The following IQCE variants were observed in gnomAD, a reference collection of about 807,000 sequenced individuals.
The protein encoded by IQCE is IQ domain-containing protein E.
In IQCE, 115 loss-of-function variants were observed where a neutral mutation model predicts 96.0. That is an observed-to-expected ratio of 1.20 (90% confidence interval 1.03 to 1.40). IQCE has a LOEUF of 1.40. IQCE is among the 40% of genes most tolerant of loss of function. The probability of loss-of-function intolerance (pLI) is 0.00; values close to 1 mark genes in which losing one functional copy is unlikely to be tolerated. For synonymous variants in IQCE, 412 were observed against 371.2 expected, an observed-to-expected ratio of 1.11 and a Z score of -1.26; for missense variants, 1,041 against 909.1, an observed-to-expected ratio of 1.15 and a Z score of -1.87.
chr7:2,582,759 C>A, intron 9 of IQCE, 109 bp downstream of exon 9: 1 of 909,994 alleles, frequency 1.1e-6, no homozygotes, highest in Non-Finnish European at 1.7e-6. Context: ...ACTCCCAGCC[C>A]AAAGCCGAAG....
At chr7:2,583,544 C>A (rs1454711484) in intron 9 of IQCE, 93 bp from the exon 10 acceptor site, 5 of 907,964 alleles carry the variant, frequency 5.5e-6, no homozygotes, top group Non-Finnish European at 8.2e-6. Flanking sequence ...TCCAAAGCCT[C>A]TCCTCTTCTG....
At position 2,573,482 on chromosome 7, in the gene IQCE, A is replaced by T; in HGVS notation, c.459A>T (p.Leu153Phe). ...KEDMYDEIIE[L>F]KKSLHVQKSD... ...ATATGTATGACGAGATTATTGAGTT[A>T]AAGAAGGTAGTATTTCGGTTTGTTC... is the stretch of plus-strand genomic sequence containing the variant. The change falls in exon 6 of 22, where the codon TTA becomes TTT. Residue 153 changes from leucine (L) to phenylalanine (F), a missense_variant. Transcript: ENST00000402050. 6.6e-7 allele frequency: 1 copy of T among 1,523,362 alleles called. No individual in the cohort carries two copies. The highest frequency in any genetic ancestry group is 9.1e-7 in the Non-Finnish European group (1 of 1,098,106). The allele number at this position is 1,523,362 out of a possible 1,614,324, so 94.4% of individuals were successfully genotyped here. A position where few individuals can be genotyped will look rare whatever the true frequency, so the allele number is the denominator to read the frequency against.
At chr7:2,606,789 G>A (rs115234744) in intron 20 of IQCE, among the ~76,000 whole-genome samples, 2,924 of 152,270 alleles carry the variant, frequency 0.019, 105 homozygotes, top group African/African-American at 0.066. Flanking sequence ...CATGCAGCCT[G>A]CAAGCATGTC....
At chr7:2,572,349 G>A (rs745628034) in intron 5 of IQCE, 23 bp downstream of exon 5, 45 of 1,611,278 alleles carry the variant, frequency 2.8e-5, no homozygotes, top group African/African-American at 4.0e-5. Flanking sequence ...ATGGTGGCGA[G>A]GCTGAGGCCA....
chr7:2,602,019 C>T (rs1784468160), intron 18 of IQCE: 1 of 158,016 alleles, frequency 6.3e-6, no homozygotes, highest in African/African-American at 2.4e-5. Context: ...ATCACCAGCC[C>T]TGCGTGGGGC....
At chr7:2,577,525 C>T (rs575929314) in intron 6 of IQCE, among the ~76,000 whole-genome samples, 6 of 135,594 alleles carry the variant, frequency 4.4e-5, no homozygotes, top group Admixed American at 7.3e-5. Context: ...GACGTGTGTG[C>T]GGCGTGCCCG....
intron 15 of IQCE, 131 bp from the exon 16 acceptor site, chr7:2,594,755 C>T (rs1047081689): frequency 1.3e-5 from 9 of 705,166 alleles, no homozygotes; most frequent in Non-Finnish European, 2.3e-5. Flanking sequence ...GAGACATGGC[C>T]CCACCAGCTC....
At chr7:2,589,259 T>G (rs1400087037) in intron 13 of IQCE, among the ~76,000 whole-genome samples, 1 of 151,956 alleles carries the variant, frequency 6.6e-6, no homozygotes. Flanking sequence ...TCCCAGCTAC[T>G]TGGGAGGCTG....
In IQCE at chr7:2,611,574, A is replaced by C. The variant is rs1432940224; in HGVS notation, c.*1412A>C. The C allele has an allele frequency of 6.6e-6, 1 of 152,204 alleles. No homozygotes were observed. Among genetic ancestry groups the C allele is most frequent in the African/African-American group, 2.4e-5 (1 of 41,428 alleles). The allele number at this position is 152,204 out of a possible 1,614,324, so 9.4% of individuals were successfully genotyped here. On this transcript the variant is annotated 3_prime_UTR_variant, in exon 22 of 22. Coordinates refer to ENST00000402050, the MANE Select transcript of IQCE (RefSeq NM_152558.5). Reference sequence around the variant, plus strand: ...GTCAGAAGGCCGATGGCCCCAACACAGTGGCTTGTGAAAGGGAGAGAGGAG... The same window carrying C: ...GTCAGAAGGCCGATGGCCCCAACACCGTGGCTTGTGAAAGGGAGAGAGGAG...
rs532547459 is a variant in IQCE, at chr7:2,594,880, C to T, written c.1350-6C>T. On this transcript the variant is annotated splice_region_variant and splice_polypyrimidine_tract_variant and intron_variant, in intron 15 of 21. Transcript: ENST00000402050. ...AGGTGTCTCATCTTTTCCCTTTCCG[C>T]CTTAGAGAGGAGATTCAGACACTTA... The T allele has an allele frequency of 5.6e-5, 90 of 1,606,274 alleles. No homozygotes were observed. The South Asian group carries it at 9.2e-4, about 16-fold the overall frequency.
chr7:2,606,538 C>A (rs956361514), intron 20 of IQCE, among the ~76,000 whole-genome samples: 2 of 152,134 alleles, frequency 1.3e-5, no homozygotes, highest in Non-Finnish European at 2.9e-5. Flanking sequence ...GGCCCCGCTC[C>A]GTCACCCCCG....
intron 3 of IQCE, among the ~76,000 whole-genome samples, chr7:2,569,392 G>A (rs1049241574): frequency 1.3e-5 from 2 of 152,198 alleles, no homozygotes; most frequent in Non-Finnish European, 2.9e-5. Context: ...GAGAGTCGAA[G>A]TTACTGAGAA....
chr7:2,578,899 A>G (rs905918206), intron 8 of IQCE, among the ~76,000 whole-genome samples: 13 of 152,168 alleles, frequency 8.5e-5, no homozygotes, highest in Non-Finnish European at 1.3e-4. Context: ...TGTCTCTACT[A>G]AAAATACAAA....
At chr7:2,579,034 G>T (rs926130874) in intron 8 of IQCE, among the ~76,000 whole-genome samples, 20 of 150,882 alleles carry the variant, frequency 1.3e-4, no homozygotes, top group Non-Finnish European at 2.5e-4. Context: ...ACTCCAGCCT[G>T]GGTGACCAAA....
At chr7:2,593,475 C>T (rs559473835) in intron 15 of IQCE, among the ~76,000 whole-genome samples, 8 of 152,260 alleles carry the variant, frequency 5.3e-5, no homozygotes, top group Admixed American at 2.0e-4. Flanking sequence ...TAATGCCATT[C>T]GCGAGAGCCA....
At position 2,586,352 on chromosome 7, in the gene IQCE, A is replaced by G; in HGVS notation, c.969A>G (p.Pro323=). 6.2e-7 allele frequency: 1 copy of G among 1,612,924 alleles called. No homozygotes were observed. The highest frequency in any genetic ancestry group is 8.5e-7 in the Non-Finnish European group (1 of 1,179,742). ...EDLDRVLSTS[P]TISKTQGYVE... ...TGGACCGCGTGCTGAGCACCTCCCC[A>G]ACCATCTCCAAGACACAGGGTACCT... The change falls in exon 12 of 22, where the codon CCA becomes CCG. Residue 323 remains proline (P), a synonymous_variant. Coordinates refer to ENST00000402050, the MANE Select transcript of IQCE (RefSeq NM_152558.5).
intron 12 of IQCE, 132 bp downstream of exon 12, chr7:2,586,503 C>T: frequency 1.0e-6 from 1 of 967,644 alleles, no homozygotes. Flanking sequence ...AACGCCAGTT[C>T]CCACATGTGC....
chr7:2,572,348 AG>A (rs1377947297), intron 5 of IQCE, 22 bp downstream of exon 5: 1 of 1,611,608 alleles, frequency 6.2e-7, no homozygotes, highest in Non-Finnish European at 8.5e-7. Flanking sequence ...GATGGTGGCG[AG>A]GCTGAGGCCA....
At chr7:2,599,787 T>A (rs912266931) in intron 17 of IQCE, among the ~76,000 whole-genome samples, 3 of 151,228 alleles carry the variant, frequency 2.0e-5, no homozygotes, top group Non-Finnish European at 4.4e-5. Flanking sequence ...ACACCTAGAT[T>A]TTTTTTCTTT....
Sources: allele counts gnomAD v4.1 joint callset (sites outside exome capture counted in the v4.1 genomes callset), GRCh38; gene constraint gnomAD v4.1.1; transcripts MANE v1.5; gene names NCBI Gene and HGNC (gene_info 2026-07-23, HGNC 2026-07-21).